ESYT2: variants seen among roughly 807,000 people sequenced by gnomAD.
ESYT2 encodes the protein extended synaptotagmin-2.
Under a neutral mutation model 107.2 loss-of-function variants are expected in ESYT2, and 54 were observed. The observed-to-expected ratio is 0.50, with a 90% CI of 0.40 to 0.63. The LOEUF (loss-of-function observed/expected upper bound fraction) is 0.63. ESYT2 is among the 30% of genes least tolerant of loss of function. The pLI, the probability that ESYT2 is intolerant of heterozygous loss-of-function variation, is 0.00. For missense variants in ESYT2, 1,020 were observed against 1,094.5 expected, an observed-to-expected ratio of 0.93 and a Z score of 0.96; for synonymous variants, 491 against 434.1, an observed-to-expected ratio of 1.13 and a Z score of -1.63.
Position 158,829,273 on chromosome 7 carries a change from G to A in ESYT2, c.146C>T (p.Pro49Leu). 6.6e-7 allele frequency: 1 copy of A among 1,520,542 alleles called. No homozygotes were observed. The highest frequency in any genetic ancestry group is 8.7e-7 in the Non-Finnish European group (1 of 1,142,900). 94.2% of individuals were successfully genotyped at this position (1,520,542 alleles called of 1,614,324 possible). The change falls in exon 1 of 23, where the codon CCC (proline) becomes CTC (leucine). Residue 49 changes from proline (P) to leucine (L), a missense_variant. Pro to Leu is a moderately conservative substitution (Grantham distance 98, BLOSUM62 -3). Transcript: ENST00000275418. Reference sequence around the variant, plus strand: ...CCCCAGGTAGCCCAGCGCGTACACGGGCAGCAGCAGCGCGAAGCTCCGCGC... The same window carrying A: ...CCCCAGGTAGCCCAGCGCGTACACGAGCAGCAGCAGCGCGAAGCTCCGCGC... ...QLARSFALLL[P>L]VYALGYLGLS...
chr7:158,747,684 C>T lies in ESYT2; in HGVS notation c.1644+510G>A, dbSNP rs113967620. 5.1e-3 allele frequency among the ~76,000 whole-genome samples: 776 copies of T among 152,290 alleles called. 4 individuals are homozygous for T. The highest frequency in any genetic ancestry group is 0.018 in the African/African-American group (745 of 41,550). On this transcript the variant is annotated intron_variant, in intron 16 of 22. Coordinates refer to ENST00000275418, the MANE Select transcript of ESYT2 (RefSeq NM_001367773.1). Reference sequence around the variant, plus strand: ...AGAAGCTAAACATGAACCTGGCAACCTGCTCCTGGGCATTTTACCCAACAG... The same window carrying T: ...AGAAGCTAAACATGAACCTGGCAACTTGCTCCTGGGCATTTTACCCAACAG...
intron 1 of ESYT2, among the ~76,000 whole-genome samples, chr7:158,806,263 G>C (rs1159080047): frequency 3.3e-5 from 5 of 152,072 alleles, no homozygotes; most frequent in African/African-American, 1.2e-4. Flanking sequence ...CACCTATTCT[G>C]GTAGATCAGA....
In ESYT2 at chr7:158,785,002, AC is replaced by A. The variant is rs903642941; in HGVS notation, c.747+3001del. On this transcript the variant is annotated intron_variant, in intron 6 of 22. Transcript: ENST00000275418. ...TCAACAAGACTAAGGACTCTGAAAC[AC>A]CCTAAAACCGTATGCTGCCCAACAA... 2.2e-3 allele frequency among the ~76,000 whole-genome samples: 340 copies of A among 152,284 alleles called. 2 individuals carry two copies. Among genetic ancestry groups the A allele is most frequent in the African/African-American group, 7.5e-3 (310 of 41,552 alleles).
chr7:158,753,093 T>A (rs952509506), intron 13 of ESYT2, among the ~76,000 whole-genome samples: 3 of 152,250 alleles, frequency 2.0e-5, no homozygotes, highest in African/African-American at 7.2e-5. Context: ...AATATTCTTT[T>A]ACTACCCCCA....
rs1012524437 is a variant in ESYT2, at chr7:158,741,667, A to T, written c.2024T>A (p.Leu675Gln). 1 of 1,613,830 alleles carries T rather than the reference A, an allele frequency of 6.2e-7. No individual in the cohort carries two copies. The highest frequency in any genetic ancestry group is 2.2e-5 in the East Asian group (1 of 44,846). ...GGAGGAGCTTCTGCCCAGGTCGTGC[A>T]GCCCCTGAGGGCCGGCCTCAGGGGG... The part of the protein sequence containing the change: ...AQPPEAGPQG[L>Q]HDLGRSSSSL... Residue 675 changes from leucine to glutamine, a missense_variant, in exon 18 of 23, where the codon CTG (leucine) becomes CAG (glutamine). Coordinates refer to ENST00000275418, the MANE Select transcript of ESYT2 (RefSeq NM_001367773.1).
chr7:158,814,292 T>C (rs1460255880), intron 1 of ESYT2, among the ~76,000 whole-genome samples: 6 of 2,832 alleles, frequency 2.1e-3, no homozygotes, highest in African/African-American at 8.8e-3. Flanking sequence ...AAAAATTATA[T>C]ATATATATAT....
intron 6 of ESYT2, among the ~76,000 whole-genome samples, chr7:158,779,987 C>A (rs1454688233): frequency 6.6e-6 from 1 of 152,180 alleles, no homozygotes; most frequent in Non-Finnish European, 1.5e-5. Flanking sequence ...GGGGCCCCAG[C>A]CCCCATTATT....
intron 6 of ESYT2, among the ~76,000 whole-genome samples, chr7:158,774,529 A>G (rs1838481385): frequency 1.3e-5 from 2 of 152,198 alleles, no homozygotes; most frequent in African/African-American, 4.8e-5. Context: ...TCATATGAAT[A>G]TATTTATAAA....
chr7:158,771,170 C>CG (rs1554584677), intron 7 of ESYT2, among the ~76,000 whole-genome samples: 1 of 152,144 alleles, frequency 6.6e-6, no homozygotes, highest in Non-Finnish European at 1.5e-5. Context: ...GTAGGCTTGC[C>CG]GGGGCAGAAC....
At chr7:158,761,426 T>TG in intron 11 of ESYT2, 70 bp downstream of exon 11, 1 of 1,407,700 alleles carries the variant, frequency 7.1e-7, no homozygotes, top group South Asian at 1.2e-5. Context: ...GGGTGGTTCG[T>TG]GGCTCCTCTG....
At chr7:158,766,909 C>T (rs1175376763) in intron 8 of ESYT2, among the ~76,000 whole-genome samples, 1 of 152,210 alleles carries the variant, frequency 6.6e-6, no homozygotes, top group East Asian at 1.9e-4. Flanking sequence ...AGATCCTTCA[C>T]TCCACCCACC....
chr7:158,764,592 C>A, intron 9 of ESYT2, 85 bp downstream of exon 9: 2 of 1,379,594 alleles, frequency 1.4e-6, no homozygotes, highest in East Asian at 4.7e-5. Flanking sequence ...CACACTCCCA[C>A]GTGACTGTGC....
At chr7:158,818,457 G>T (rs1840203984) in intron 1 of ESYT2, among the ~76,000 whole-genome samples, 1 of 152,218 alleles carries the variant, frequency 6.6e-6, no homozygotes, top group Non-Finnish European at 1.5e-5. Context: ...CTTAGCAACA[G>T]CGTAAACAAA....
At chr7:158,738,350 C>G (rs1228411545) in intron 19 of ESYT2, among the ~76,000 whole-genome samples, 12 of 101,960 alleles carry the variant, frequency 1.2e-4, no homozygotes, top group African/African-American at 1.8e-4. Context: ...CACAGACACA[C>G]ACACACACAC....
intron 6 of ESYT2, among the ~76,000 whole-genome samples, chr7:158,780,338 G>T (rs150810192): frequency 2.0e-4 from 30 of 152,238 alleles, no homozygotes; most frequent in African/African-American, 7.0e-4. Flanking sequence ...GATCTTTCTC[G>T]CCACTATCAA....
At position 158,741,557 on chromosome 7, in the gene ESYT2, G is replaced by A; in HGVS notation, c.2134C>T (p.Gln712Ter). 6.2e-7 allele frequency: 1 copy of A among 1,601,242 alleles called. No individual in the cohort carries two copies. Among genetic ancestry groups the A allele is most frequent in the Non-Finnish European group, 8.5e-7 (1 of 1,177,744 alleles). The change falls in exon 18 of 23, where the codon CAG becomes TAG. Residue 712 changes from glutamine (Q) to a stop codon, truncating the protein, a stop_gained. Transcript: ENST00000275418. LOFTEE classifies it high-confidence loss of function. ...TGCCTCAGCCTTTGCCGCAGCTCCT[G>A]GGTGGCGATGGGCAGCGAGATGTCC... ...ASDISLPIAT[Q>*]ELRQRLRQLE...
chr7:158,764,792 TTAAGG>T lies in ESYT2; in HGVS notation c.981_985del (p.Tyr327Ter). ...GTCTGACTTTCCCTTGACAAGTCCC[TTAAGG>T]TAAGTGTCTTTCCCCTGAAGATCCT... On this transcript the variant is annotated stop_gained and frameshift_variant, in exon 9 of 23. Coordinates refer to ENST00000275418, the MANE Select transcript of ESYT2 (RefSeq NM_001367773.1). LOFTEE classifies it high-confidence loss of function. 1 of 1,614,176 alleles carries T rather than the reference TTAAGG, an allele frequency of 6.2e-7. No individual in the cohort carries two copies. Among genetic ancestry groups the T allele is most frequent in the Non-Finnish European group, 8.5e-7 (1 of 1,180,022 alleles).
chr7:158,813,315 G>A (rs766321108), intron 1 of ESYT2, among the ~76,000 whole-genome samples: 1 of 152,172 alleles, frequency 6.6e-6, no homozygotes, highest in Non-Finnish European at 1.5e-5. Flanking sequence ...AAACTACTTC[G>A]TATGACATTG....
At chr7:158,746,519 A>AAG (rs532375521) in intron 16 of ESYT2, among the ~76,000 whole-genome samples, 2,909 of 152,090 alleles carry the variant, frequency 0.019, 95 homozygotes, top group African/African-American at 0.066. Context: ...CAAGAAAAAA[A>AAG]AAAAAAAAGA....
Sources: allele counts gnomAD v4.1 joint callset (sites outside exome capture counted in the v4.1 genomes callset), GRCh38; gene constraint gnomAD v4.1.1; transcripts MANE v1.5; gene names NCBI Gene and HGNC (gene_info 2026-07-23, HGNC 2026-07-21).